Variants in RNF216 observed in about 807,000 individuals in gnomAD.
The protein encoded by RNF216 is E3 ubiquitin-protein ligase RNF216.
Under a neutral mutation model 110.8 loss-of-function variants are expected in RNF216, and 72 were observed. The ratio of observed to expected loss-of-function variants is 0.65; its 90% CI spans 0.54 to 0.79. The LOEUF (loss-of-function observed/expected upper bound fraction) is 0.79. Among genes scored for constraint, RNF216 ranks in the 30% least tolerant of loss-of-function variants. The probability of loss-of-function intolerance (pLI) is 0.00; values close to 1 mark genes in which losing one functional copy is unlikely to be tolerated. For synonymous variants in RNF216, 495 were observed against 407.5 expected (o/e 1.21, Z -2.59); for missense variants, 1,342 against 1,141.2 (o/e 1.18, Z -2.54).
rs1189678235 is a variant in RNF216 at position 5,721,072 on chromosome 7, C to T, written c.1605G>A (p.Glu535=). ...RRALLPAVQQ[E]QEFYEQKIKE... ...TGATTTTCTGCTCATAGAACTCCTG[C>T]TCTTGTTGCACAGCTGGAAGGAGAG... is the stretch of plus-strand genomic sequence containing the variant. The change falls in exon 9 of 17, where the codon GAG becomes GAA. Residue 535 remains glutamate, a synonymous_variant. Coordinates refer to ENST00000389902, the MANE Select transcript of RNF216 (RefSeq NM_207111.4). 1 of 1,614,220 alleles carries T rather than the reference C, an allele frequency of 6.2e-7. No individual in the cohort carries two copies.
At chr7:5,674,877 A>G (rs749939922) in intron 13 of RNF216, among the ~76,000 whole-genome samples, 11 of 150,236 alleles carry the variant, frequency 7.3e-5, no homozygotes, top group Admixed American at 1.3e-4. Context: ...CGCACCTGTA[A>G]TCCCAGCTAC....
intron 15 of RNF216, among the ~76,000 whole-genome samples, chr7:5,639,135 A>C (rs1317885326): frequency 6.6e-6 from 1 of 152,232 alleles, no homozygotes; most frequent in Non-Finnish European, 1.5e-5. Context: ...CTGAAGCAGA[A>C]GTGACCTGTT....
intron 13 of RNF216, among the ~76,000 whole-genome samples, chr7:5,690,463 C>A (rs1276426750): frequency 6.6e-6 from 1 of 152,040 alleles, no homozygotes; most frequent in Admixed American, 6.5e-5. Context: ...TATTAAAGAC[C>A]TGGAATCTAT....
intron 13 of RNF216, among the ~76,000 whole-genome samples, chr7:5,664,455 A>C (rs575581412): frequency 6.6e-6 from 1 of 152,218 alleles, no homozygotes; most frequent in Non-Finnish European, 1.5e-5. Context: ...AAAGTACTGC[A>C]TATGTTTCAA....
At chr7:5,625,270 G>C (rs1010042703) in intron 15 of RNF216, among the ~76,000 whole-genome samples, 2 of 152,246 alleles carry the variant, frequency 1.3e-5, no homozygotes, top group African/African-American at 4.8e-5. Flanking sequence ...CCGAGCTGGG[G>C]AGAAGGATGG....
intron 14 of RNF216, among the ~76,000 whole-genome samples, chr7:5,644,301 T>C (rs889625760): frequency 1.3e-5 from 2 of 152,212 alleles, no homozygotes; most frequent in Non-Finnish European, 2.9e-5. Context: ...CCCACCTCAA[T>C]GTATACTGGT....
intron 2 of RNF216, among the ~76,000 whole-genome samples, chr7:5,753,597 A>G (rs1795445612): frequency 6.6e-6 from 1 of 152,204 alleles, no homozygotes; most frequent in Non-Finnish European, 1.5e-5. Context: ...TCCTTTTATC[A>G]ATTTGAAAAC....
chr7:5,725,559 T>G, intron 7 of RNF216, 121 bp from the exon 8 acceptor site: 1 of 657,956 alleles, frequency 1.5e-6, no homozygotes, highest in Non-Finnish European at 2.7e-6. Flanking sequence ...GGCTAACAAT[T>G]GGTAGTGGCA....
chr7:5,693,851 G>C (rs1303953527), intron 13 of RNF216, among the ~76,000 whole-genome samples: 3 of 152,142 alleles, frequency 2.0e-5, no homozygotes, highest in Admixed American at 2.0e-4. Flanking sequence ...CGCGGGTAGA[G>C]ACTCTCTGGC....
intron 5 of RNF216, among the ~76,000 whole-genome samples, chr7:5,735,312 A>C (rs191238459): frequency 1.3e-5 from 2 of 152,366 alleles, no homozygotes; most frequent in East Asian, 3.9e-4. Context: ...GCTTAGAGTC[A>C]AATTTAGAAA....
intron 2 of RNF216, among the ~76,000 whole-genome samples, chr7:5,758,073 G>T (rs1562467370): frequency 6.6e-6 from 1 of 152,130 alleles, no homozygotes; most frequent in East Asian, 1.9e-4. Context: ...TGGGTGCAGA[G>T]TATACATACT....
At chr7:5,623,235 C>T (rs888499871) in intron 16 of RNF216, 56 bp from the exon 17 acceptor site, 16 of 1,494,338 alleles carry the variant, frequency 1.1e-5, no homozygotes, top group Non-Finnish European at 1.4e-5. Flanking sequence ...TCAATGGAAT[C>T]TAGCCTGGGA....
intron 15 of RNF216, among the ~76,000 whole-genome samples, chr7:5,628,561 T>C (rs1010489386): frequency 6.6e-6 from 1 of 152,198 alleles, no homozygotes; most frequent in Non-Finnish European, 1.5e-5. Flanking sequence ...CTTGCTCTGC[T>C]GTCCAGGCTG....
In RNF216 at chr7:5,652,454, T is replaced by C; in HGVS notation, c.2118A>G (p.Glu706=). The C allele has an allele frequency of 6.2e-7, 1 of 1,613,978 alleles. No homozygotes were observed. Among genetic ancestry groups the C allele is most frequent in the Non-Finnish European group, 8.5e-7 (1 of 1,179,874 alleles). ...TGATGTCGTCTTTTTCAGCCAGCTC[T>C]TCACAGGTGAGGCCATTATGTTCTT... ...LWKEHNGLTC[E]ELAEKDDIKY... Residue 706 remains glutamate (E), a synonymous_variant, in exon 14 of 17, where the codon GAA becomes GAG. Transcript: ENST00000389902.
chr7:5,761,358 G>A (rs1440170846), intron 1 of RNF216, among the ~76,000 whole-genome samples: 4 of 151,532 alleles, frequency 2.6e-5, no homozygotes, highest in East Asian at 1.9e-4. Context: ...AGTACTGACA[G>A]AGAAATGACA....
At chr7:5,742,200 A>C (rs964347834) in intron 3 of RNF216, among the ~76,000 whole-genome samples, 7 of 151,950 alleles carry the variant, frequency 4.6e-5, no homozygotes, top group African/African-American at 1.5e-4. Flanking sequence ...AAATGTGCCA[A>C]CATGTCCAGC....
At chr7:5,659,036 G>A (rs1463496941) in intron 13 of RNF216, among the ~76,000 whole-genome samples, 3 of 152,154 alleles carry the variant, frequency 2.0e-5, no homozygotes, top group African/African-American at 4.8e-5. Context: ...AGATGAGGGT[G>A]AGAGAGAAGC....
intron 13 of RNF216, among the ~76,000 whole-genome samples, chr7:5,675,944 G>C (rs1263394299): frequency 6.6e-6 from 1 of 151,656 alleles, no homozygotes; most frequent in Non-Finnish European, 1.5e-5. Context: ...CCTGACCTCA[G>C]ATGATCCGCC....
In RNF216 at chr7:5,734,612, G is replaced by A. The variant is rs957636475; in HGVS notation, c.1122-3795C>T. On this transcript the variant is annotated intron_variant, in intron 5 of 16. Transcript: ENST00000389902. Reference sequence around the variant, plus strand: ...TGTAAATAACCAAATGGCTTTCAAGGTTAAATACCCAGGTAGAGTCTGTCG... The same window carrying A: ...TGTAAATAACCAAATGGCTTTCAAGATTAAATACCCAGGTAGAGTCTGTCG... Among the ~76,000 whole-genome samples, 23 of 118,330 alleles carry A rather than the reference G, an allele frequency of 1.9e-4. 1 individual carries two copies. The highest frequency in any genetic ancestry group is 1.6e-4 in the African/African-American group (3 of 18,834). 77.6% of individuals were successfully genotyped at this position (118,330 alleles called of 152,430 possible). A position where few individuals can be genotyped will look rare whatever the true frequency, so the allele number is the denominator to read the frequency against.
Sources: allele counts gnomAD v4.1 joint callset (sites outside exome capture counted in the v4.1 genomes callset), GRCh38; gene constraint gnomAD v4.1.1; transcripts MANE v1.5; gene names NCBI Gene and HGNC (gene_info 2026-07-23, HGNC 2026-07-21).